ATP11A: variants seen among roughly 807,000 people sequenced by gnomAD.
ATP11A encodes phospholipid-transporting ATPase IH.
A neutral mutation model predicts 154.4 loss-of-function variants in ATP11A; 81 were observed. The observed-to-expected ratio is 0.52, with a 90% confidence interval of 0.44 to 0.63. The LOEUF (loss-of-function observed/expected upper bound fraction) is 0.63, where lower values mean the gene tolerates loss of function less well. Among genes scored for constraint, ATP11A ranks in the 30% least tolerant of loss-of-function variants. ATP11A has a pLI of 0.00. For synonymous variants in ATP11A, 623 were observed against 585.9 expected, an observed-to-expected ratio of 1.06 and a Z score of -0.91; for missense variants, 1,316 against 1,474.3, an observed-to-expected ratio of 0.89 and a Z score of 1.76.
intron 1 of ATP11A, among the ~76,000 whole-genome samples, chr13:112,768,137 C>T (rs1415548774): frequency 6.6e-6 from 1 of 152,250 alleles, no homozygotes; most frequent in East Asian, 1.9e-4. Context: ...CTCCGACTTC[C>T]TCATAGCCGT....
chr13:112,750,710 A>G (rs750568203), intron 1 of ATP11A, among the ~76,000 whole-genome samples: 1 of 152,240 alleles, frequency 6.6e-6, no homozygotes, highest in Non-Finnish European at 1.5e-5. Context: ...TGTTTACTGC[A>G]CTAGGTTTTC....
intron 1 of ATP11A, among the ~76,000 whole-genome samples, chr13:112,714,938 C>A (rs892015904): frequency 1.3e-5 from 2 of 151,898 alleles, no homozygotes; most frequent in African/African-American, 4.9e-5. Context: ...ATTCTCTCCT[C>A]CTTCCCCCTT....
In ATP11A at chr13:112,696,951, A is replaced by C. The variant is rs148724140; in HGVS notation, c.39+6496A>C. ...GCCCCGCAGGCGACGGTGCTGAGAAAAAGAGAGTGGGGTTGGGGGCAGTGC... is the reference window on the plus strand; with the variant it reads ...GCCCCGCAGGCGACGGTGCTGAGAACAAGAGAGTGGGGTTGGGGGCAGTGC... On this transcript the variant is annotated intron_variant, in intron 1 of 29. Coordinates refer to ENST00000375645, the MANE Select transcript of ATP11A (RefSeq NM_015205.3). This position sits in a 1 kb window ranked among gnomAD's most constrained non-coding sequence, Gnocchi z 6.2. The C allele has an allele frequency of 3.2e-3, 493 of 152,758 alleles. 5 individuals are homozygous for C. Among genetic ancestry groups the C allele is most frequent in the East Asian group, 0.031 (160 of 5,164 alleles). The allele number at this position is 152,758 out of a possible 1,614,324, so 9.5% of individuals were successfully genotyped here.
At chr13:112,877,381 C>T (rs982865271) in intron 28 of ATP11A, among the ~76,000 whole-genome samples, 3 of 152,226 alleles carry the variant, frequency 2.0e-5, no homozygotes, top group African/African-American at 7.2e-5. Flanking sequence ...TTACTGAGCT[C>T]TTTAGCTGTG....
At chr13:112,810,341 G>A in intron 4 of ATP11A, among the ~76,000 whole-genome samples, 1 of 152,224 alleles carries the variant, frequency 6.6e-6, no homozygotes, top group East Asian at 1.9e-4. Flanking sequence ...AAAAAGTACA[G>A]TTGTATAGTA....
rs143162488 is a variant in ATP11A at position 112,853,991 on chromosome 13, G to A, written c.1992-288G>A. 6.2e-4 allele frequency among the ~76,000 whole-genome samples: 94 copies of A among 152,202 alleles called. 1 individual carries two copies. Among genetic ancestry groups the A allele is most frequent in the African/African-American group, 2.1e-3 (87 of 41,534 alleles). On this transcript the variant is annotated intron_variant, in intron 18 of 29. Transcript: ENST00000375645. ...GTGAGTCCCACCTACACACAAAACC[G>A]CCAGGCTTGTCAGACGTCAGTGACA...
chr13:112,724,823 A>C (rs1326001721), intron 1 of ATP11A, among the ~76,000 whole-genome samples: 1 of 152,170 alleles, frequency 6.6e-6, no homozygotes, highest in Admixed American at 6.5e-5. Flanking sequence ...GTCCTGAAGC[A>C]TGCTGGGCAC....
intron 17 of ATP11A, among the ~76,000 whole-genome samples, chr13:112,849,807 C>T (rs767910936): frequency 2.6e-5 from 4 of 152,258 alleles, no homozygotes; most frequent in Non-Finnish European, 4.4e-5. Context: ...GAGCAGAAAG[C>T]TGCAAGGTCG....
chr13:112,779,661 C>T (rs1006882008), intron 1 of ATP11A, among the ~76,000 whole-genome samples: 2 of 152,198 alleles, frequency 1.3e-5, no homozygotes, highest in Non-Finnish European at 2.9e-5. Context: ...CGCCTGTCAT[C>T]CCAGCACTTT....
rs762935969 is a variant in ATP11A, at chr13:112,825,557, G to A, written c.1000G>A (p.Glu334Lys). 1.9e-6 allele frequency: 3 copies of A among 1,613,560 alleles called. No individual in the cohort carries two copies. Among genetic ancestry groups the A allele is most frequent in the Middle Eastern group, 1.7e-4 (1 of 5,928 alleles). The change falls in exon 11 of 30, where the codon GAG (glutamate) becomes AAG (lysine). Residue 334 changes from glutamate to lysine, a missense_variant. Glu to Lys is a moderately conservative substitution (Grantham distance 56). This residue lies in a region of ATP11A where 876 missense variants were observed against 1,006.8 expected (regional missense o/e 0.87). Coordinates refer to ENST00000375645, the MANE Select transcript of ATP11A (RefSeq NM_015205.3). Reference protein sequence around the residue: ...RDEPWYNQKTESERQRNLFLK... With the variant: ...RDEPWYNQKTKSERQRNLFLK... ...TGAGCCGTGGTATAATCAGAAAACGGAGTCGGAAAGGCAGAGGAATCTGGT... is the reference window on the plus strand; with the variant it reads ...TGAGCCGTGGTATAATCAGAAAACGAAGTCGGAAAGGCAGAGGAATCTGGT...
chr13:112,793,350 C>T (rs113849857), intron 2 of ATP11A, among the ~76,000 whole-genome samples: 2,211 of 152,276 alleles, frequency 0.015, 68 homozygotes, highest in African/African-American at 0.051. Flanking sequence ...TACAGGTGCC[C>T]ACCACCACAC....
intron 1 of ATP11A, among the ~76,000 whole-genome samples, chr13:112,714,430 TG>T (rs1888194786): frequency 2.0e-5 from 3 of 152,104 alleles, no homozygotes; most frequent in Admixed American, 6.5e-5. Flanking sequence ...GGGAGCGGTG[TG>T]GAGGAGACCT....
At chr13:112,858,106 A>G (rs2079986584) in intron 21 of ATP11A, 39 bp from the exon 22 acceptor site, 3 of 1,605,962 alleles carry the variant, frequency 1.9e-6, no homozygotes, top group South Asian at 1.1e-5. Flanking sequence ...TGTGGTGTGC[A>G]GAAAGCATTT....
chr13:112,700,165 A>G (rs994116705), intron 1 of ATP11A, among the ~76,000 whole-genome samples: 1 of 152,082 alleles, frequency 6.6e-6, no homozygotes, highest in African/African-American at 2.4e-5. Context: ...GATCAAAGGC[A>G]TAATTGGTTG....
chr13:112,862,392 G>C, intron 24 of ATP11A, 48 bp from the exon 25 acceptor site: 1 of 1,607,482 alleles, frequency 6.2e-7, no homozygotes, highest in Non-Finnish European at 8.5e-7. Flanking sequence ...GGGAGGTGCC[G>C]GGCCCTGATT....
intron 2 of ATP11A, among the ~76,000 whole-genome samples, chr13:112,799,644 C>T (rs1400408810): frequency 1.3e-5 from 2 of 152,142 alleles, no homozygotes; most frequent in African/African-American, 2.4e-5. Context: ...TTGCTCCAGG[C>T]CATCTGGGTG....
At chr13:112,774,244 T>C (rs1371799604) in intron 1 of ATP11A, among the ~76,000 whole-genome samples, 1 of 152,236 alleles carries the variant, frequency 6.6e-6, no homozygotes, top group East Asian at 1.9e-4. Context: ...TCTTTACTTG[T>C]CACATCAGCT....
At chr13:112,852,972 G>A (rs761620008) in intron 18 of ATP11A, among the ~76,000 whole-genome samples, 2 of 152,164 alleles carry the variant, frequency 1.3e-5, no homozygotes, top group Admixed American at 6.5e-5. Flanking sequence ...TGTAATCCTC[G>A]CAATTTGGGA....
chr13:112,730,481 C>T (rs1327414570), intron 1 of ATP11A, among the ~76,000 whole-genome samples: 3 of 152,206 alleles, frequency 2.0e-5, no homozygotes, highest in African/African-American at 4.8e-5. Context: ...CCTGCTGATG[C>T]GTGAATAACT....
Sources: gnomAD v4.1 joint callset for allele counts (sites outside exome capture counted in the v4.1 genomes callset) on GRCh38, gnomAD v4.1.1 for gene constraint, gnomAD v4.1.1 regional missense constraint, Gnocchi (gnomAD v3.1) non-coding constraint, MANE v1.5 for transcripts, NCBI Gene and HGNC (gene_info 2026-07-23, HGNC 2026-07-21) for gene names.